CEP112: variants seen among roughly 807,000 people sequenced by gnomAD.
The protein encoded by CEP112 is centrosomal protein 112, also known as centrosomal protein of 112 kDa.
CEP112 carries 127 observed loss-of-function variants against 153.0 expected under a neutral mutation model. That is an observed-to-expected ratio of 0.83 (90% CI 0.72 to 0.96). The LOEUF is 0.96. Ranked by LOEUF, CEP112 falls within the 40% of genes least tolerant of loss-of-function variation. The pLI is 0.00. For missense variants in CEP112, 1,089 were observed against 1,101.2 expected (o/e 0.99, Z 0.16); for synonymous variants, 358 against 374.4 (o/e 0.96, Z 0.51).
At chr17:66,132,563 TTC>T in intron 5 of CEP112, 105 bp downstream of exon 5, 2 of 791,392 alleles carry the variant, frequency 2.5e-6, no homozygotes, top group Non-Finnish European at 4.2e-6. Flanking sequence ...TCCAACTTTA[TTC>T]TGTTTTGAAG....
intron 24 of CEP112, among the ~76,000 whole-genome samples, chr17:65,645,501 T>A (rs1230559660): frequency 6.6e-6 from 1 of 152,246 alleles, no homozygotes; most frequent in African/African-American, 2.4e-5. Flanking sequence ...ATGGTTTCAA[T>A]CTCTGTAATC....
intron 24 of CEP112, among the ~76,000 whole-genome samples, chr17:65,658,153 G>A (rs2046153431): frequency 6.6e-6 from 1 of 152,210 alleles, no homozygotes; most frequent in African/African-American, 2.4e-5. Flanking sequence ...CATAGAGAAG[G>A]AAACAGGTAC....
intron 18 of CEP112, among the ~76,000 whole-genome samples, chr17:65,928,123 G>A (rs1399190867): frequency 6.6e-6 from 1 of 152,110 alleles, no homozygotes; most frequent in Non-Finnish European, 1.5e-5. Context: ...CAAAGAGCCT[G>A]AATAGATATT....
chr17:65,698,698 T>C (rs562098226), intron 23 of CEP112, among the ~76,000 whole-genome samples: 1 of 152,206 alleles, frequency 6.6e-6, no homozygotes, highest in South Asian at 2.1e-4. Context: ...ACAGCTTCAC[T>C]TGTGAACAAG....
chr17:65,719,850 G>A (rs1288512197), intron 23 of CEP112, among the ~76,000 whole-genome samples: 3 of 152,222 alleles, frequency 2.0e-5, no homozygotes, highest in Non-Finnish European at 2.9e-5. Flanking sequence ...GCAGCCTTGC[G>A]AGCGCATCTG....
chr17:65,806,713 T>C (rs374790728), intron 21 of CEP112, among the ~76,000 whole-genome samples: 2 of 152,342 alleles, frequency 1.3e-5, no homozygotes, highest in African/African-American at 4.8e-5. Context: ...AAGATGTGTC[T>C]TGCTTCCCCT....
chr17:66,053,155 T>C (rs1435232646), intron 12 of CEP112, among the ~76,000 whole-genome samples: 3 of 145,760 alleles, frequency 2.1e-5, no homozygotes, highest in Non-Finnish European at 3.0e-5. Context: ...TGAAAGTCAA[T>C]GGAAAAAAAA....
At chr17:65,976,582 G>A (rs2063041382) in intron 17 of CEP112, among the ~76,000 whole-genome samples, 1 of 151,944 alleles carries the variant, frequency 6.6e-6, no homozygotes, top group African/African-American at 2.4e-5. Context: ...TTCAGACTTT[G>A]TTAGTAAGAA....
intron 17 of CEP112, among the ~76,000 whole-genome samples, chr17:65,963,357 G>A (rs2062284460): frequency 6.6e-6 from 1 of 152,178 alleles, no homozygotes; most frequent in African/African-American, 2.4e-5. Flanking sequence ...AAAACAAGAT[G>A]ATGCAATCTT....
intron 24 of CEP112, chr17:65,654,997 A>C (rs2045985744): frequency 1.4e-6 from 1 of 699,416 alleles, no homozygotes; most frequent in Non-Finnish European, 2.6e-6. Flanking sequence ...ACCTGATAGA[A>C]GAACAGGCCC....
At chr17:66,010,500 A>G (rs1374184225) in intron 16 of CEP112, among the ~76,000 whole-genome samples, 1 of 152,146 alleles carries the variant, frequency 6.6e-6, no homozygotes, top group Non-Finnish European at 1.5e-5. Flanking sequence ...ACTATGTTAA[A>G]TAGGAGTGGT....
At chr17:65,638,652 C>A (rs1285153163) in intron 25 of CEP112, among the ~76,000 whole-genome samples, 2 of 152,178 alleles carry the variant, frequency 1.3e-5, no homozygotes, top group African/African-American at 2.4e-5. Flanking sequence ...CTTCCCTCCC[C>A]CAACCATGCT....
chr17:65,654,003 A>G (rs572636152), intron 24 of CEP112, among the ~76,000 whole-genome samples: 76 of 148,786 alleles, frequency 5.1e-4, no homozygotes, highest in African/African-American at 1.7e-3. Context: ...AGGTTGCAGT[A>G]AGCCGAGATT....
chr17:65,798,158 A>G (rs2055047409), intron 21 of CEP112, among the ~76,000 whole-genome samples: 1 of 152,118 alleles, frequency 6.6e-6, no homozygotes, highest in Non-Finnish European at 1.5e-5. Flanking sequence ...CCAGCCCTCT[A>G]CACTCCTTAG....
intron 20 of CEP112, among the ~76,000 whole-genome samples, 153 bp downstream of exon 20, chr17:65,901,999 T>TGG (rs1568196541): frequency 1.5e-4 from 2 of 13,458 alleles, no homozygotes; most frequent in African/African-American, 5.7e-4. Context: ...GGGGGGGGGG[T>TGG]GGGGGGGAGA....
At chr17:65,960,393 A>T (rs2062157274) in intron 18 of CEP112, among the ~76,000 whole-genome samples, 1 of 152,230 alleles carries the variant, frequency 6.6e-6, no homozygotes, top group African/African-American at 2.4e-5. Flanking sequence ...ATTAATGCAT[A>T]AATAATATAT....
intron 23 of CEP112, among the ~76,000 whole-genome samples, chr17:65,693,954 C>G (rs184008390): frequency 6.6e-6 from 1 of 152,144 alleles, no homozygotes; most frequent in East Asian, 1.9e-4. Flanking sequence ...CTCCCCAGAC[C>G]CTGAATCTGC....
chr17:65,756,044 C>A (rs1007269790), intron 21 of CEP112, among the ~76,000 whole-genome samples: 2 of 152,068 alleles, frequency 1.3e-5, no homozygotes, highest in African/African-American at 4.8e-5. Context: ...GTATACTCAG[C>A]CCTGGGCCTG....
intron 21 of CEP112, among the ~76,000 whole-genome samples, chr17:65,798,996 T>C (rs1032129667): frequency 6.6e-6 from 1 of 152,202 alleles, no homozygotes; most frequent in South Asian, 2.1e-4. Flanking sequence ...AGAAACCAAA[T>C]GTTTGAATTT....
Sources: allele counts gnomAD v4.1 joint callset (sites outside exome capture counted in the v4.1 genomes callset), GRCh38; gene constraint gnomAD v4.1.1; transcripts MANE v1.5; gene names NCBI Gene and HGNC (gene_info 2026-07-23, HGNC 2026-07-21).